Variants in TLE1 observed in about 807,000 individuals in gnomAD.
TLE1 encodes transducin-like enhancer protein 1.
Under a neutral mutation model 89.8 loss-of-function variants are expected in TLE1, and 21 were observed. The ratio of observed to expected loss-of-function variants is 0.23; its 90% CI spans 0.17 to 0.34. The LOEUF (loss-of-function observed/expected upper bound fraction) is 0.34. Ranked by LOEUF, TLE1 falls within the 10% of genes least tolerant of loss-of-function variation. The probability of loss-of-function intolerance (pLI) is 1.00; values close to 1 mark genes in which losing one functional copy is unlikely to be tolerated. For missense variants in TLE1, 795 were observed against 1,031.2 expected, an observed-to-expected ratio of 0.77 and a Z score of 3.14; for synonymous variants, 447 against 407.6, an observed-to-expected ratio of 1.10 and a Z score of -1.16.
At chr9:81,594,423 A>C (rs1236352202) in intron 14 of TLE1, among the ~76,000 whole-genome samples, 1 of 152,146 alleles carries the variant, frequency 6.6e-6, no homozygotes, top group Non-Finnish European at 1.5e-5. Flanking sequence ...CCAGCAAACT[A>C]ACACAGGAAC....
intron 4 of TLE1, among the ~76,000 whole-genome samples, chr9:81,683,145 G>A (rs1833833571): frequency 6.6e-6 from 1 of 152,084 alleles, no homozygotes; most frequent in African/African-American, 2.4e-5. Flanking sequence ...AAGGTGGGAA[G>A]GGAGAGCGGT....
intron 14 of TLE1, among the ~76,000 whole-genome samples, chr9:81,598,200 G>A (rs1480462049): frequency 6.6e-6 from 1 of 152,104 alleles, no homozygotes; most frequent in East Asian, 1.9e-4. Flanking sequence ...TTACAATTTA[G>A]TGCCAACAAG....
intron 4 of TLE1, among the ~76,000 whole-genome samples, chr9:81,674,309 T>C (rs1832616184): frequency 6.6e-6 from 1 of 152,188 alleles, no homozygotes; most frequent in Admixed American, 6.5e-5. Flanking sequence ...GGCTGGCCAC[T>C]GTACTTATAA....
At chr9:81,643,887 G>A (rs1425142414) in intron 6 of TLE1, among the ~76,000 whole-genome samples, 1 of 151,984 alleles carries the variant, frequency 6.6e-6, no homozygotes, top group Non-Finnish European at 1.5e-5. Context: ...AACTCCTCCT[G>A]CATGACCACT....
At chr9:81,665,444 C>G (rs1252789228) in intron 4 of TLE1, among the ~76,000 whole-genome samples, 1 of 152,080 alleles carries the variant, frequency 6.6e-6, no homozygotes, top group African/African-American at 2.4e-5. Flanking sequence ...CAACTGGGCC[C>G]AGATACTATC....
At chr9:81,638,430 A>T (rs1224990979) in intron 6 of TLE1, among the ~76,000 whole-genome samples, 1 of 152,204 alleles carries the variant, frequency 6.6e-6, no homozygotes, top group Non-Finnish European at 1.5e-5. Context: ...TATCTCCAAA[A>T]GGACAGCGCT....
chr9:81,685,424 C>T (rs1207694046), intron 4 of TLE1, among the ~76,000 whole-genome samples: 2 of 152,160 alleles, frequency 1.3e-5, no homozygotes, highest in African/African-American at 4.8e-5. Context: ...GTCTTAATTC[C>T]TATCTGTCAA....
At chr9:81,593,334 A>G in intron 14 of TLE1, 60 bp from the exon 15 acceptor site, 2 of 1,531,190 alleles carry the variant, frequency 1.3e-6, no homozygotes, top group Non-Finnish European at 1.8e-6. Flanking sequence ...AGCAATCCCT[A>G]TCTCGGCAAT....
chr9:81,657,829 C>T (rs1181693020), intron 4 of TLE1, among the ~76,000 whole-genome samples: 1 of 151,328 alleles, frequency 6.6e-6, no homozygotes, highest in Non-Finnish European at 1.5e-5. Context: ...CAATGTAAAT[C>T]CTAGGTAAAT....
rs1175895294 is a variant in TLE1 at position 81,688,103 on chromosome 9, C to G, written c.24+114G>C. The G allele has an allele frequency of 9.3e-6, 13 of 1,391,754 alleles. No individual in the cohort carries two copies. In the East Asian group the frequency reaches 2.4e-4, roughly 25 times the overall value. The allele number at this position is 1,391,754 out of a possible 1,614,324, so 86.2% of individuals were successfully genotyped here. ...GGCCCCAGACCTCCCCAGCCTTACA[C>G]CGCTGAGGGCGAGAAGGTCCGCCGG... is the stretch of plus-strand genomic sequence containing the variant. On this transcript the variant is annotated intron_variant, in intron 1 of 19. Transcript: ENST00000376499.
chr9:81,661,145 A>AC (rs1171798758), intron 4 of TLE1, among the ~76,000 whole-genome samples: 10 of 146,572 alleles, frequency 6.8e-5, no homozygotes, highest in Admixed American at 2.1e-4. Context: ...AAATAAAAAT[A>AC]AATAAAAATA....
intron 14 of TLE1, chr9:81,600,019 C>A: frequency 1.5e-6 from 1 of 666,044 alleles, no homozygotes; most frequent in Non-Finnish European, 2.8e-6. Context: ...GTATTCCAGC[C>A]AAAGTCAACA....
In TLE1 at chr9:81,665,780, T is replaced by C. The variant is rs144524725; in HGVS notation, c.235-11744A>G. 2.2e-4 allele frequency among the ~76,000 whole-genome samples: 34 copies of C among 152,198 alleles called. No individual in the cohort carries two copies. The East Asian group carries it at 6.6e-3, about 29-fold the overall frequency. On this transcript the variant is annotated intron_variant, in intron 4 of 19. Coordinates refer to ENST00000376499, the MANE Select transcript of TLE1 (RefSeq NM_005077.5). ...AAGAATGACAAAGCAACTCTATTCA[T>C]TGGTTCTCCTTCCTGCAATGATGGT...
intron 1 of TLE1, among the ~76,000 whole-genome samples, chr9:81,687,713 G>C (rs1005223766): frequency 6.6e-6 from 1 of 152,012 alleles, no homozygotes; most frequent in Non-Finnish European, 1.5e-5. Flanking sequence ...GGGGCTCCCC[G>C]GCGGCCAGGG....
chr9:81,610,381 A>G (rs994157585), intron 13 of TLE1, 85 bp from the exon 14 acceptor site: 41 of 966,824 alleles, frequency 4.2e-5, no homozygotes, highest in Non-Finnish European at 6.4e-5. Flanking sequence ...AGAAACTCAC[A>G]GATCCCCAAA....
intron 14 of TLE1, among the ~76,000 whole-genome samples, chr9:81,602,475 C>T (rs1173530692): frequency 1.3e-5 from 2 of 152,128 alleles, no homozygotes; most frequent in African/African-American, 4.8e-5. Flanking sequence ...AGACCTTATG[C>T]ACTTAGCCTG....
intron 19 of TLE1, 28 bp downstream of exon 19, chr9:81,584,420 T>C: frequency 6.2e-7 from 1 of 1,613,576 alleles, no homozygotes; most frequent in Non-Finnish European, 8.5e-7. Flanking sequence ...GGTCAAACTG[T>C]GGATCTAGGT....
intron 6 of TLE1, among the ~76,000 whole-genome samples, chr9:81,647,400 G>A (rs1213724447): frequency 6.6e-6 from 1 of 152,190 alleles, no homozygotes; most frequent in Non-Finnish European, 1.5e-5. Context: ...CACATCAAAA[G>A]CTAAATGGCC....
chr9:81,590,182 T>C (rs1445387243), intron 16 of TLE1, among the ~76,000 whole-genome samples: 1 of 152,172 alleles, frequency 6.6e-6, no homozygotes, highest in Admixed American at 6.5e-5. Flanking sequence ...CACTGACTTC[T>C]GAAGGGAGCA....
Sources: allele counts gnomAD v4.1 joint callset (sites outside exome capture counted in the v4.1 genomes callset), GRCh38; gene constraint gnomAD v4.1.1; transcripts MANE v1.5; gene names NCBI Gene and HGNC (gene_info 2026-07-23, HGNC 2026-07-21).